The following ZC3H14 variants were observed in gnomAD, a reference collection of about 807,000 sequenced individuals.
The protein encoded by ZC3H14 is zinc finger CCCH domain-containing protein 14.
In ZC3H14, 31 loss-of-function variants were observed where a neutral mutation model predicts 92.4. The ratio of observed to expected loss-of-function variants is 0.34; its 90% confidence interval spans 0.25 to 0.45. ZC3H14 has a LOEUF of 0.45. ZC3H14 is among the 20% of genes least tolerant of loss of function. The pLI, the probability that ZC3H14 is intolerant of heterozygous loss-of-function variation, is 1.00. For synonymous variants in ZC3H14, 321 were observed against 300.9 expected, an observed-to-expected ratio of 1.07 and a Z score of -0.69; for missense variants, 781 against 897.3, an observed-to-expected ratio of 0.87 and a Z score of 1.66.
chr14:88,624,877 T>A lies in ZC3H14; in HGVS notation c.*13126T>A, dbSNP rs577509363. ...TGAGGAGGAAGGTCGGAGAGGACACTCTGTGTAGCCTAGAAACAACTAGAA... is the reference window on the plus strand; with the variant it reads ...TGAGGAGGAAGGTCGGAGAGGACACACTGTGTAGCCTAGAAACAACTAGAA... On this transcript the variant is annotated 3_prime_UTR_variant, in exon 17 of 17. Coordinates refer to ENST00000251038, the MANE Select transcript of ZC3H14 (RefSeq NM_024824.5). 62 of 1,421,398 alleles carry A rather than the reference T, an allele frequency of 4.4e-5. 1 individual carries two copies. The East Asian group carries it at 1.4e-3, about 32-fold the overall frequency. 88.0% of individuals were successfully genotyped at this position (1,421,398 alleles called of 1,614,324 possible).
chr14:88,574,949 T>C lies in ZC3H14; in HGVS notation c.1022+96T>C, dbSNP rs1043098075. ...TAATCACGAAAATAATTTTTGTTTG[T>C]TTTTTGAGACGGAGTCTCGCTCTGT... On this transcript the variant is annotated intron_variant, in intron 7 of 16. Coordinates refer to ENST00000251038, the MANE Select transcript of ZC3H14 (RefSeq NM_024824.5). 7 of 1,567,584 alleles carry C rather than the reference T, an allele frequency of 4.5e-6. No individual in the cohort carries two copies. The African/African-American group carries it at 8.1e-5, about 18-fold the overall frequency.
rs1006423730 is a variant in ZC3H14 at position 88,614,265 on chromosome 14, T to C, written c.*2514T>C. 2.0e-5 allele frequency: 3 copies of C among 152,220 alleles called. No individual in the cohort carries two copies. Among genetic ancestry groups the C allele is most frequent in the Non-Finnish European group, 2.9e-5 (2 of 68,026 alleles). The allele number at this position is 152,220 out of a possible 1,614,324, so 9.4% of individuals were successfully genotyped here. On this transcript the variant is annotated 3_prime_UTR_variant, in exon 17 of 17. Coordinates refer to ENST00000251038, the MANE Select transcript of ZC3H14 (RefSeq NM_024824.5). ...TACATGAGTAGAAACTTAATAGTCA[T>C]GTATTTCAAAATTTGGCTTAATTTA...
chr14:88,583,719 C>T (rs1250081755), intron 9 of ZC3H14, among the ~76,000 whole-genome samples: 1 of 152,150 alleles, frequency 6.6e-6, no homozygotes, highest in African/African-American at 2.4e-5. Flanking sequence ...AAATTGTTAA[C>T]ACTTGCTTAG....
intron 1 of ZC3H14, 114 bp from the exon 2 acceptor site, chr14:88,563,537 G>C: frequency 6.3e-7 from 1 of 1,582,194 alleles, no homozygotes. Flanking sequence ...CCCAGCCCCC[G>C]CCCGGGGGAT....
At position 88,618,749 on chromosome 14, in the gene ZC3H14, G is replaced by C. The variant is rs1220576252; in HGVS notation, c.*6998G>C. The C allele has an allele frequency of 2.5e-6, 4 of 1,604,902 alleles. No individual in the cohort carries two copies. The highest frequency in any genetic ancestry group is 2.6e-6 in the Non-Finnish European group (3 of 1,175,046). On this transcript the variant is annotated 3_prime_UTR_variant, in exon 17 of 17. Coordinates refer to ENST00000251038, the MANE Select transcript of ZC3H14 (RefSeq NM_024824.5). ...TGTTAAGAGTGGGGCCCAGCGTTAG[G>C]TCATAAAAATCCACTGAGTTCTCAC...
At chr14:88,571,881 T>C in intron 4 of ZC3H14, 149 bp from the exon 5 acceptor site, 1 of 516,156 alleles carries the variant, frequency 1.9e-6, no homozygotes, top group Non-Finnish European at 3.1e-6. Context: ...GGAGAATCGC[T>C]TGAACCAGGG....
intron 15 of ZC3H14, among the ~76,000 whole-genome samples, chr14:88,610,534 G>A (rs1234526016): frequency 5.3e-5 from 8 of 151,820 alleles, no homozygotes; most frequent in Non-Finnish European, 8.8e-5. Flanking sequence ...CAGGTGAGGT[G>A]GGTCAGGCCT....
chr14:88,616,078 T>C lies in ZC3H14; in HGVS notation c.*4327T>C, dbSNP rs1395920271. The C allele has an allele frequency of 3.9e-6, 6 of 1,535,226 alleles. No individual in the cohort carries two copies. The African/African-American group carries it at 6.8e-5, about 17-fold the overall frequency. On this transcript the variant is annotated 3_prime_UTR_variant, in exon 17 of 17. Transcript: ENST00000251038. The stretch of plus-strand genomic sequence containing the variant: ...TTTCATAAACCAAAGCTGTAGGAGT[T>C]GTTGTATTAAGTCTCTTAACTAGTA...
chr14:88,567,652 G>A (rs777045507), intron 2 of ZC3H14, among the ~76,000 whole-genome samples: 7 of 152,026 alleles, frequency 4.6e-5, no homozygotes, highest in African/African-American at 7.2e-5. Context: ...AGAAATGAGT[G>A]TTATTTTGAA....
intron 10 of ZC3H14, among the ~76,000 whole-genome samples, chr14:88,600,979 C>T (rs1234261650): frequency 6.6e-6 from 1 of 152,026 alleles, no homozygotes; most frequent in African/African-American, 2.4e-5. Context: ...TTCTCCGAGT[C>T]TCTCTCCTTG....
At chr14:88,568,499 A>G (rs2079979996) in intron 3 of ZC3H14, among the ~76,000 whole-genome samples, 1 of 152,164 alleles carries the variant, frequency 6.6e-6, no homozygotes, top group African/African-American at 2.4e-5. Flanking sequence ...TCTTGTGAGA[A>G]CTCACTGTCT....
chr14:88,591,839 C>T (rs917695654), intron 9 of ZC3H14: 10 of 152,216 alleles, frequency 6.6e-5, no homozygotes, highest in Admixed American at 6.5e-4. Flanking sequence ...TTTTGTTCCA[C>T]TTAATGTATC....
In ZC3H14 at chr14:88,621,809, A is replaced by C; in HGVS notation, c.*10058A>C. 2.4e-6 allele frequency: 1 copy of C among 422,618 alleles called. No individual in the cohort carries two copies. Among genetic ancestry groups the C allele is most frequent in the Non-Finnish European group, 4.7e-6 (1 of 213,224 alleles). The allele number at this position is 422,618 out of a possible 1,614,324, so 26.2% of individuals were successfully genotyped here. On this transcript the variant is annotated 3_prime_UTR_variant, in exon 17 of 17. Coordinates refer to ENST00000251038, the MANE Select transcript of ZC3H14 (RefSeq NM_024824.5). The stretch of plus-strand genomic sequence containing the variant: ...TTTTGAAATTGACACATAATTATAC[A>C]TATCTATAGGGCATAGGGTAATACG...
chr14:88,593,724 C>G (rs933730449), intron 9 of ZC3H14, among the ~76,000 whole-genome samples: 4 of 151,996 alleles, frequency 2.6e-5, no homozygotes, highest in African/African-American at 4.8e-5. Context: ...AAAAATAACT[C>G]AAAATGGATC....
At chr14:88,611,057 T>C in intron 16 of ZC3H14, 117 bp downstream of exon 16, 1 of 1,047,732 alleles carries the variant, frequency 9.5e-7, no homozygotes, top group Non-Finnish European at 1.4e-6. Context: ...AATTTTTTTC[T>C]TTGCTGTTTA....
intron 1 of ZC3H14, 146 bp from the exon 2 acceptor site, chr14:88,563,505 G>A (rs1465844792): frequency 9.9e-6 from 15 of 1,515,146 alleles, no homozygotes; most frequent in Non-Finnish European, 1.2e-5. Context: ...GCGGGGTGGG[G>A]GGCGGTGCAG....
intron 11 of ZC3H14, among the ~76,000 whole-genome samples, chr14:88,602,300 C>G (rs2084762493): frequency 6.6e-6 from 1 of 152,154 alleles, no homozygotes. Context: ...AATTACAACT[C>G]AGTGTATGAT....
chr14:88,609,235 A>C lies in ZC3H14; in HGVS notation c.1869-32A>C, dbSNP rs1449428901. 3.7e-6 allele frequency: 6 copies of C among 1,613,450 alleles called. No individual in the cohort carries two copies. The South Asian group carries it at 6.6e-5, about 18-fold the overall frequency. On this transcript the variant is annotated intron_variant, in intron 13 of 16. Transcript: ENST00000251038. ...AACTAATAATGCATTGAGAAGATTGAATATGAAATATGCTTTTTTTTTGTT... is the reference window on the plus strand; with the variant it reads ...AACTAATAATGCATTGAGAAGATTGCATATGAAATATGCTTTTTTTTTGTT...
At position 88,596,774 on chromosome 14, in the gene ZC3H14, C is replaced by G. The variant is rs1349133504; in HGVS notation, c.1320C>G (p.Asp440Glu). The G allele has an allele frequency of 6.2e-7, 1 of 1,614,026 alleles. No homozygotes were observed. Among genetic ancestry groups the G allele is most frequent in the Admixed American group, 1.7e-5 (1 of 60,014 alleles). ...AATTATTATCCCGACTGCAAATCGACCCAGTAATGGCAGAAACTCTGCAGA... is the reference window on the plus strand; with the variant it reads ...AATTATTATCCCGACTGCAAATCGAGCCAGTAATGGCAGAAACTCTGCAGA... ...QRQLLSRLQI[D>E]PVMAETLQMS... is the part of the protein sequence containing the mutation. The change falls in exon 10 of 17, where the codon GAC (aspartate) becomes GAG (glutamate). Residue 440 changes from aspartate to glutamate, a missense_variant. Asp to Glu is a conservative substitution (Grantham distance 45, BLOSUM62 2). Coordinates refer to ENST00000251038, the MANE Select transcript of ZC3H14 (RefSeq NM_024824.5).
Sources: gnomAD v4.1 joint callset for allele counts (sites outside exome capture counted in the v4.1 genomes callset) on GRCh38, gnomAD v4.1.1 for gene constraint, MANE v1.5 for transcripts, NCBI Gene and HGNC (gene_info 2026-07-23, HGNC 2026-07-21) for gene names.